The following DPY19L2 variants were observed in gnomAD, a reference collection of about 807,000 sequenced individuals.
DPY19L2 encodes probable C-mannosyltransferase DPY19L2.
DPY19L2 carries 34 observed loss-of-function variants against 97.9 expected under a neutral mutation model. The ratio of observed to expected loss-of-function variants is 0.35; its 90% CI spans 0.26 to 0.46. The LOEUF is 0.46. DPY19L2 is among the 20% of genes least tolerant of loss of function. The pLI is 1.00. For synonymous variants in DPY19L2, 230 were observed against 307.9 expected (o/e 0.75, Z 2.65); for missense variants, 623 against 911.4 (o/e 0.68, Z 4.07).
At chr12:63,563,708 T>C (rs1877084417) in intron 21 of DPY19L2, among the ~76,000 whole-genome samples, 1 of 152,150 alleles carries the variant, frequency 6.6e-6, no homozygotes. Context: ...TGATAAATTT[T>C]GATTGGTTGT....
chr12:63,653,581 A>C (rs1436644661), intron 4 of DPY19L2, among the ~76,000 whole-genome samples: 1 of 152,140 alleles, frequency 6.6e-6, no homozygotes, highest in East Asian at 1.9e-4. Context: ...ATAAATAAAA[A>C]AGAAAGAAAA....
At chr12:63,563,142 G>C (rs1876963859) in intron 21 of DPY19L2, among the ~76,000 whole-genome samples, 1 of 152,018 alleles carries the variant, frequency 6.6e-6, no homozygotes, top group Admixed American at 6.6e-5. Context: ...ATTGGGTTTT[G>C]AGAGTTTTTT....
chr12:63,643,624 C>T (rs900651501), intron 6 of DPY19L2, among the ~76,000 whole-genome samples: 1 of 152,078 alleles, frequency 6.6e-6, no homozygotes, highest in Non-Finnish European at 1.5e-5. Context: ...GAAAGATAAG[C>T]ATCTGTTGGC....
intron 11 of DPY19L2, among the ~76,000 whole-genome samples, chr12:63,611,234 C>A (rs1886963000): frequency 1.3e-5 from 2 of 152,028 alleles, no homozygotes; most frequent in African/African-American, 4.8e-5. Context: ...ATAAACTAAC[C>A]AGTACTTTCA....
At chr12:63,658,637 C>A (rs779697366) in intron 4 of DPY19L2, among the ~76,000 whole-genome samples, 47 of 152,106 alleles carry the variant, frequency 3.1e-4, no homozygotes, top group Non-Finnish European at 6.2e-4. Flanking sequence ...AGGCTTTACC[C>A]TCAATACTGC....
chr12:63,629,290 C>A (rs1053845767), intron 6 of DPY19L2, among the ~76,000 whole-genome samples: 2 of 151,958 alleles, frequency 1.3e-5, no homozygotes, highest in African/African-American at 4.8e-5. Context: ...GAAGTTAGAA[C>A]CCATGGCAAA....
chr12:63,630,566 G>T (rs986462819), intron 6 of DPY19L2, among the ~76,000 whole-genome samples: 1 of 151,928 alleles, frequency 6.6e-6, no homozygotes, highest in African/African-American at 2.4e-5. Flanking sequence ...GATTCATAAA[G>T]CAAGTCCTGA....
At chr12:63,613,467 A>T (rs1887343952) in intron 11 of DPY19L2, among the ~76,000 whole-genome samples, 1 of 152,170 alleles carries the variant, frequency 6.6e-6, no homozygotes, top group Admixed American at 6.5e-5. Flanking sequence ...CTTTAAGCTG[A>T]TAAAGGGCTT....
intron 4 of DPY19L2, among the ~76,000 whole-genome samples, chr12:63,648,391 A>G (rs1893722882): frequency 6.6e-6 from 1 of 151,952 alleles, no homozygotes; most frequent in African/African-American, 2.4e-5. Context: ...CCGTATAAAC[A>G]AAGGCCAAGT....
intron 11 of DPY19L2, among the ~76,000 whole-genome samples, chr12:63,614,800 A>T (rs1887582520): frequency 6.6e-6 from 1 of 152,176 alleles, no homozygotes. Context: ...AGATTTTTAA[A>T]GAAAGAGAGC....
rs576337007 is a variant in DPY19L2, at chr12:63,589,120, C to T, written c.1580+4967G>A. On this transcript the variant is annotated intron_variant, in intron 16 of 21. Coordinates refer to ENST00000324472, the MANE Select transcript of DPY19L2 (RefSeq NM_173812.5). ...TAACAGTAAATGAAACAGTGAGACA[C>T]TAAAGGCATTCTTCACTTTAGAGTC... 9.2e-5 allele frequency among the ~76,000 whole-genome samples: 14 copies of T among 151,932 alleles called. No homozygotes were observed. The South Asian group carries it at 2.9e-3, about 32-fold the overall frequency.
intron 4 of DPY19L2, among the ~76,000 whole-genome samples, chr12:63,652,907 G>A (rs1474035760): frequency 6.6e-6 from 1 of 152,078 alleles, no homozygotes; most frequent in Non-Finnish European, 1.5e-5. Flanking sequence ...ACCCACACAT[G>A]TATCCCATGA....
At chr12:63,563,525 T>TC in intron 21 of DPY19L2, among the ~76,000 whole-genome samples, 1 of 152,276 alleles carries the variant, frequency 6.6e-6, no homozygotes, top group Middle Eastern at 3.4e-3. Flanking sequence ...GATGATGCGG[T>TC]CTTTCTTTTT....
At chr12:63,653,043 G>A (rs572955485) in intron 4 of DPY19L2, among the ~76,000 whole-genome samples, 4 of 152,032 alleles carry the variant, frequency 2.6e-5, no homozygotes, top group South Asian at 2.1e-4. Context: ...AATGGATGGC[G>A]CAAGAGGAGA....
At chr12:63,635,418 A>G (rs1001334513) in intron 6 of DPY19L2, among the ~76,000 whole-genome samples, 5 of 152,192 alleles carry the variant, frequency 3.3e-5, no homozygotes, top group Non-Finnish European at 5.9e-5. Flanking sequence ...GCAACAGAGC[A>G]AAGCTGGAAG....
In DPY19L2 at chr12:63,668,463, G is replaced by C; in HGVS notation, c.-70C>G. On this transcript the variant is annotated 5_prime_UTR_variant, in exon 1 of 22. Coordinates refer to ENST00000324472, the MANE Select transcript of DPY19L2 (RefSeq NM_173812.5). ...AGCCGAGTCAGGCGAGGTCCAGAGA[G>C]ACCTGACTCGCCTGGCAGCCTCAAC... 7.0e-7 allele frequency: 1 copy of C among 1,419,014 alleles called. No individual in the cohort carries two copies. The highest frequency in any genetic ancestry group is 9.3e-7 in the Non-Finnish European group (1 of 1,072,458). The allele number at this position is 1,419,014 out of a possible 1,614,324, so 87.9% of individuals were successfully genotyped here. A position where few individuals can be genotyped will look rare whatever the true frequency, so the allele number is the denominator to read the frequency against.
intron 12 of DPY19L2, among the ~76,000 whole-genome samples, chr12:63,606,523 A>G (rs1886072409): frequency 6.6e-6 from 1 of 152,310 alleles, no homozygotes; most frequent in South Asian, 2.1e-4. Flanking sequence ...TCTTAGTGCG[A>G]TAATTTACAT....
chr12:63,641,207 A>G (rs1892645120), intron 6 of DPY19L2, among the ~76,000 whole-genome samples: 1 of 152,054 alleles, frequency 6.6e-6, no homozygotes, highest in Admixed American at 6.6e-5. Flanking sequence ...CCCAGCCCAA[A>G]AACAGAACTT....
chr12:63,613,688 T>C (rs1359756786), intron 11 of DPY19L2, among the ~76,000 whole-genome samples: 1 of 151,340 alleles, frequency 6.6e-6, no homozygotes, highest in African/African-American at 2.4e-5. Context: ...ATTTCAGACA[T>C]AAAAAACTAG....
Sources: allele counts gnomAD v4.1 joint callset (sites outside exome capture counted in the v4.1 genomes callset), GRCh38; gene constraint gnomAD v4.1.1; transcripts MANE v1.5; gene names NCBI Gene and HGNC (gene_info 2026-07-23, HGNC 2026-07-21).